Variants in SEPTIN9 observed in about 807,000 individuals in gnomAD.
SEPTIN9 encodes septin-9.
SEPTIN9 carries 13 observed loss-of-function variants against 56.6 expected under a neutral mutation model. The observed-to-expected ratio is 0.23, with a 90% CI of 0.15 to 0.37. The LOEUF is 0.37. Ranked by LOEUF, SEPTIN9 falls within the 10% of genes least tolerant of loss-of-function variation. SEPTIN9 has a pLI of 1.00. For missense variants in SEPTIN9, 650 were observed against 823.1 expected, an observed-to-expected ratio of 0.79 and a Z score of 2.57; for synonymous variants, 332 against 334.1, an observed-to-expected ratio of 0.99 and a Z score of 0.07.
At chr17:77,398,520 T>G (rs551754166) in intron 2 of SEPTIN9, among the ~76,000 whole-genome samples, 150 of 152,102 alleles carry the variant, frequency 9.9e-4, no homozygotes, top group Non-Finnish European at 1.7e-3. Flanking sequence ...GGCGGTGGCA[T>G]GCTCGTTTGG....
chr17:77,482,345 C>T lies in SEPTIN9; in HGVS notation c.913+10C>T, dbSNP rs2039489275. On this transcript the variant is annotated intron_variant, in intron 4 of 11. Coordinates refer to ENST00000427177, the MANE Select transcript of SEPTIN9 (RefSeq NM_001113491.2). ...AACATCATGGTGGTCGGTGAGTCCT[C>T]ACCTTGCATGCCACTCAACCAATGC... is the stretch of plus-strand genomic sequence containing the variant. The T allele has an allele frequency of 1.9e-6, 3 of 1,610,462 alleles. No homozygotes were observed. The highest frequency in any genetic ancestry group is 4.5e-5 in the East Asian group (2 of 44,882).
chr17:77,488,372 G>T, intron 6 of SEPTIN9, 51 bp downstream of exon 6: 1 of 1,515,750 alleles, frequency 6.6e-7, no homozygotes, highest in Non-Finnish European at 9.2e-7. Context: ...AGGGCTCCCT[G>T]GACCCCACCC....
rs1215171380 is a variant in SEPTIN9, at chr17:77,319,952, CGGG to C, written c.76+12756_76+12758del. 38 of 1,165,456 alleles carry C rather than the reference CGGG, an allele frequency of 3.3e-5. No homozygotes were observed. The highest frequency in any genetic ancestry group is 3.8e-5 in the Non-Finnish European group (36 of 941,134). The allele number at this position is 1,165,456 out of a possible 1,614,324, so 72.2% of individuals were successfully genotyped here. Reference sequence around the variant, plus strand: ...GGACCTCTGCAGCCACCGACCAGACCGGGCGGCCGGGACTCTGGGACTCTCGCA... The same window carrying C: ...GGACCTCTGCAGCCACCGACCAGACCCGGCCGGGACTCTGGGACTCTCGCA... On this transcript the variant is annotated intron_variant, in intron 2 of 11. Transcript: ENST00000427177. This position sits in a 1 kb window ranked among gnomAD's most constrained non-coding sequence, Gnocchi z 5.3.
intron 1 of SEPTIN9, among the ~76,000 whole-genome samples, chr17:77,300,158 C>T (rs2031974756): frequency 6.6e-6 from 1 of 152,112 alleles, no homozygotes; most frequent in Non-Finnish European, 1.5e-5. Context: ...AGTGCAGTGG[C>T]ATGATGTTGG....
chr17:77,411,707 C>T (rs1401406149), intron 3 of SEPTIN9, among the ~76,000 whole-genome samples: 4 of 152,162 alleles, frequency 2.6e-5, no homozygotes, highest in African/African-American at 9.7e-5. Context: ...TGTCCCATGG[C>T]CCTGCCAGGC....
intron 3 of SEPTIN9, among the ~76,000 whole-genome samples, chr17:77,412,922 A>C (rs2144161075): frequency 6.6e-6 from 1 of 152,266 alleles, no homozygotes; most frequent in South Asian, 2.1e-4. Context: ...TTCTGAAATT[A>C]TAGGAAAGAA....
At chr17:77,439,632 A>G (rs1488856189) in intron 3 of SEPTIN9, among the ~76,000 whole-genome samples, 1 of 151,062 alleles carries the variant, frequency 6.6e-6, no homozygotes, top group Non-Finnish European at 1.5e-5. Flanking sequence ...GCAGATCCCC[A>G]CACCTTAACT....
chr17:77,385,737 C>T (rs1326982226), intron 2 of SEPTIN9, among the ~76,000 whole-genome samples: 1 of 152,128 alleles, frequency 6.6e-6, no homozygotes, highest in South Asian at 2.1e-4. Context: ...GGTGGAGCCC[C>T]TGCTTTGCCC....
rs1490580374 is a variant in SEPTIN9 at position 77,500,277 on chromosome 17, C to T, written c.*1619C>T. ...CCCACTGGTGAGACAGTTTACTTTGCCAACTTGCCATGTTTTTGCCAAAAC... is the reference window on the plus strand; with the variant it reads ...CCCACTGGTGAGACAGTTTACTTTGTCAACTTGCCATGTTTTTGCCAAAAC... On this transcript the variant is annotated 3_prime_UTR_variant, in exon 12 of 12. Coordinates refer to ENST00000427177, the MANE Select transcript of SEPTIN9 (RefSeq NM_001113491.2). 3 of 229,520 alleles carry T rather than the reference C, an allele frequency of 1.3e-5. No individual in the cohort carries two copies. The highest frequency in any genetic ancestry group is 2.6e-5 in the Non-Finnish European group (3 of 115,512). 14.2% of individuals were successfully genotyped at this position (229,520 alleles called of 1,614,324 possible). A position where few individuals can be genotyped will look rare whatever the true frequency, so the allele number is the denominator to read the frequency against.
At chr17:77,360,983 G>A (rs1446072313) in intron 2 of SEPTIN9, among the ~76,000 whole-genome samples, 2 of 146,016 alleles carry the variant, frequency 1.4e-5, no homozygotes, top group East Asian at 2.0e-4. Flanking sequence ...GAGTGCAGTG[G>A]TGTGATCCTG....
chr17:77,424,511 T>C (rs2036825675), intron 3 of SEPTIN9, among the ~76,000 whole-genome samples: 1 of 152,236 alleles, frequency 6.6e-6, no homozygotes, highest in African/African-American at 2.4e-5. Context: ...TCCAGCCTGC[T>C]TGGGCCCAAT....
intron 3 of SEPTIN9, among the ~76,000 whole-genome samples, chr17:77,477,359 G>A (rs2143135487): frequency 6.6e-6 from 1 of 152,262 alleles, no homozygotes; most frequent in South Asian, 2.1e-4. Flanking sequence ...TGTCCCTACA[G>A]ATGTACTTAT....
At position 77,434,106 on chromosome 17, in the gene SEPTIN9, G is replaced by A. The variant is rs1029886797; in HGVS notation, c.721+31403G>A. On this transcript the variant is annotated intron_variant, in intron 3 of 11. Coordinates refer to ENST00000427177, the MANE Select transcript of SEPTIN9 (RefSeq NM_001113491.2). The surrounding 1 kb of genome is among the most constrained non-coding windows in gnomAD (Gnocchi z 5.0). The stretch of plus-strand genomic sequence containing the variant: ...CCTGGGTTTGGTGTCTGTGGGCTGG[G>A]GATCTGTGTTGGGGTCTCCAGGAGG... 6.6e-6 allele frequency among the ~76,000 whole-genome samples: 1 copy of A among 152,224 alleles called. No homozygotes were observed. The highest frequency in any genetic ancestry group is 2.4e-5 in the African/African-American group (1 of 41,452).
intron 2 of SEPTIN9, among the ~76,000 whole-genome samples, chr17:77,388,736 T>C (rs952778116): frequency 2.0e-5 from 3 of 150,532 alleles, no homozygotes; most frequent in South Asian, 2.1e-4. Context: ...GCTGCCCGCC[T>C]TGGGGCCACA....
In SEPTIN9 at chr17:77,498,730, C is replaced by A; in HGVS notation, c.*72C>A. The A allele has an allele frequency of 1.1e-6, 1 of 900,420 alleles. No homozygotes were observed. Among genetic ancestry groups the A allele is most frequent in the South Asian group, 1.4e-5 (1 of 70,324 alleles). The allele number at this position is 900,420 out of a possible 1,614,324, so 55.8% of individuals were successfully genotyped here. On this transcript the variant is annotated 3_prime_UTR_variant, in exon 12 of 12. Coordinates refer to ENST00000427177, the MANE Select transcript of SEPTIN9 (RefSeq NM_001113491.2). ...TCCCCCCCCAGGCCCTCCCACCACCCCATTTTATTTTATATGATTTTCTCC... is the reference window on the plus strand; with the variant it reads ...TCCCCCCCCAGGCCCTCCCACCACCACATTTTATTTTATATGATTTTCTCC...
At chr17:77,359,711 G>A (rs542352001) in intron 2 of SEPTIN9, among the ~76,000 whole-genome samples, 12 of 152,244 alleles carry the variant, frequency 7.9e-5, no homozygotes, top group East Asian at 1.9e-4. Flanking sequence ...TGGGAGGATC[G>A]CTTGGGCCTA....
rs760316523 is a variant in SEPTIN9, at chr17:77,429,320, G to A, written c.721+26617G>A. On this transcript the variant is annotated intron_variant, in intron 3 of 11. Coordinates refer to ENST00000427177, the MANE Select transcript of SEPTIN9 (RefSeq NM_001113491.2). This position sits in a 1 kb window ranked among gnomAD's most constrained non-coding sequence, Gnocchi z 5.2. ...CACGCAGGCCTCCTGCCCTCGCCAC[G>A]ACTGGCTCCTGCAGCCCACCTGGCT... is the stretch of plus-strand genomic sequence containing the variant. 6 of 467,994 alleles carry A rather than the reference G, an allele frequency of 1.3e-5. No individual in the cohort carries two copies. The highest frequency in any genetic ancestry group is 1.0e-4 in the African/African-American group (5 of 50,046). The allele number at this position is 467,994 out of a possible 1,614,324, so 29.0% of individuals were successfully genotyped here.
chr17:77,301,597 G>C (rs955433718), intron 1 of SEPTIN9, among the ~76,000 whole-genome samples: 3 of 152,078 alleles, frequency 2.0e-5, no homozygotes, highest in African/African-American at 7.2e-5. Flanking sequence ...ATTTTCATTA[G>C]AGACGGGGTT....
chr17:77,404,474 C>G (rs1169243473), intron 3 of SEPTIN9, among the ~76,000 whole-genome samples: 1 of 152,216 alleles, frequency 6.6e-6, no homozygotes, highest in African/African-American at 2.4e-5. Flanking sequence ...TCTCAAACTC[C>G]TGGGTTCAAA....
Sources: allele counts gnomAD v4.1 joint callset (sites outside exome capture counted in the v4.1 genomes callset), GRCh38; gene constraint gnomAD v4.1.1; non-coding constraint Gnocchi (gnomAD v3.1); transcripts MANE v1.5; gene names NCBI Gene and HGNC (gene_info 2026-07-23, HGNC 2026-07-21).